The following PDS5B variants were observed in gnomAD, a reference collection of about 807,000 sequenced individuals.
PDS5B encodes sister chromatid cohesion protein PDS5 homolog B.
PDS5B carries 51 observed loss-of-function variants against 184.1 expected under a neutral mutation model. The ratio of observed to expected loss-of-function variants is 0.28; its 90% CI spans 0.22 to 0.35. PDS5B has a LOEUF of 0.35. PDS5B is among the 10% of genes least tolerant of loss of function. PDS5B has a pLI of 1.00. For synonymous variants in PDS5B, 566 were observed against 569.2 expected (o/e 0.99, Z 0.08); for missense variants, 1,180 against 1,723.3 (o/e 0.68, Z 5.58).
intron 20 of PDS5B, among the ~76,000 whole-genome samples, chr13:32,734,042 T>C (rs1279213577): frequency 7.0e-6 from 1 of 142,298 alleles, no homozygotes; most frequent in African/African-American, 3.0e-5. Flanking sequence ...CTTTTTTTTT[T>C]TCTGAGATAG....
At chr13:32,647,418 G>A (rs767118079) in intron 1 of PDS5B, among the ~76,000 whole-genome samples, 4 of 152,058 alleles carry the variant, frequency 2.6e-5, no homozygotes, top group Non-Finnish European at 4.4e-5. Context: ...CTACAGGGGT[G>A]TGCCACCACA....
At chr13:32,667,214 T>C (rs949901449) in intron 6 of PDS5B, among the ~76,000 whole-genome samples, 16 of 152,190 alleles carry the variant, frequency 1.1e-4, no homozygotes, top group Non-Finnish European at 2.4e-4. Context: ...CTTCTTATGA[T>C]GTTTTTTCTT....
chr13:32,739,342 A>G (rs1487064618), intron 21 of PDS5B, among the ~76,000 whole-genome samples: 1 of 152,172 alleles, frequency 6.6e-6, no homozygotes, highest in Non-Finnish European at 1.5e-5. Flanking sequence ...GCCCATCCAC[A>G]AGATGTCTTT....
At chr13:32,736,164 C>T (rs971933145) in intron 21 of PDS5B, among the ~76,000 whole-genome samples, 1 of 152,014 alleles carries the variant, frequency 6.6e-6, no homozygotes, top group African/African-American at 2.4e-5. Context: ...CTCTTGTTCA[C>T]CCAGTTCTAT....
At chr13:32,651,275 T>C (rs1337025196) in intron 2 of PDS5B, among the ~76,000 whole-genome samples, 2 of 152,242 alleles carry the variant, frequency 1.3e-5, no homozygotes, top group Non-Finnish European at 2.9e-5. Context: ...AGATACTTCA[T>C]AGTAGCTTTT....
At chr13:32,717,171 C>T (rs1291233467) in intron 19 of PDS5B, among the ~76,000 whole-genome samples, 1 of 152,338 alleles carries the variant, frequency 6.6e-6, no homozygotes, top group Non-Finnish European at 1.5e-5. Context: ...TGCCAGGCCA[C>T]CACCCCATCT....
chr13:32,607,373 G>C (rs2058076013), intron 1 of PDS5B, among the ~76,000 whole-genome samples: 1 of 152,238 alleles, frequency 6.6e-6, no homozygotes, highest in Non-Finnish European at 1.5e-5. Context: ...CTGCAGAACA[G>C]CAAATATTGC....
intron 1 of PDS5B, among the ~76,000 whole-genome samples, chr13:32,610,289 A>G (rs552352831): frequency 6.6e-6 from 1 of 152,238 alleles, no homozygotes; most frequent in Non-Finnish European, 1.5e-5. Context: ...AAAGTGCATA[A>G]TAAGTTAAGG....
At position 32,755,909 on chromosome 13, in the gene PDS5B, A is replaced by C; in HGVS notation, c.3009A>C (p.Pro1003=). Residue 1003 remains proline (P), a synonymous_variant, in exon 26 of 35, where the codon CCA becomes CCC. Transcript: ENST00000315596. ...CAATTCACCTTTTGGCACATGACCC[A>C]GATTATGTCAAAGTACAGGATATTG... is the stretch of plus-strand genomic sequence containing the variant. ...PYTIHLLAHD[P]DYVKVQDIEQ... 6.3e-7 allele frequency: 1 copy of C among 1,587,252 alleles called. No homozygotes were observed. The highest frequency in any genetic ancestry group is 1.3e-5 in the African/African-American group (1 of 74,292).
intron 7 of PDS5B, 68 bp downstream of exon 7, chr13:32,667,912 A>C: frequency 1.2e-6 from 1 of 813,974 alleles, no homozygotes; most frequent in Non-Finnish European, 1.9e-6. Context: ...CTAGAAGCAA[A>C]ATTTCATCAG....
chr13:32,650,961 A>T (rs1950353701), intron 2 of PDS5B, among the ~76,000 whole-genome samples: 1 of 152,158 alleles, frequency 6.6e-6, no homozygotes, highest in Admixed American at 6.5e-5. Context: ...TCACCTTTCC[A>T]TTGGAGTTGT....
chr13:32,742,855 T>A, intron 23 of PDS5B, 128 bp downstream of exon 23: 1 of 817,650 alleles, frequency 1.2e-6, no homozygotes, highest in Non-Finnish European at 1.9e-6. Flanking sequence ...GTGCATATAT[T>A]TTTACTGGAA....
At chr13:32,747,783 A>G (rs1283377516) in intron 24 of PDS5B, among the ~76,000 whole-genome samples, 1 of 152,218 alleles carries the variant, frequency 6.6e-6, no homozygotes, top group African/African-American at 2.4e-5. Context: ...GGTTCTTGGT[A>G]TGGCATTTCT....
chr13:32,591,572 C>T (rs957402303), intron 1 of PDS5B, among the ~76,000 whole-genome samples: 1 of 152,018 alleles, frequency 6.6e-6, no homozygotes, highest in African/African-American at 2.4e-5. Context: ...AGTAGTACTA[C>T]GTTGTAATAG....
chr13:32,629,459 T>A (rs776521378), intron 1 of PDS5B, among the ~76,000 whole-genome samples: 1 of 152,184 alleles, frequency 6.6e-6, no homozygotes, highest in African/African-American at 2.4e-5. Context: ...AATTGTACTT[T>A]GGCTTGCATT....
At position 32,606,561 on chromosome 13, in the gene PDS5B, C is replaced by T. The variant is rs186345845; in HGVS notation, c.-20+19968C>T. On this transcript the variant is annotated intron_variant, in intron 1 of 34. Transcript: ENST00000315596. Reference sequence around the variant, plus strand: ...TTGTGTGTGTTGGAGTTGCCCTTCTCGAGGAGTATCTTTGTGGTGTTCTCT... The same window carrying T: ...TTGTGTGTGTTGGAGTTGCCCTTCTTGAGGAGTATCTTTGTGGTGTTCTCT... Among the ~76,000 whole-genome samples, 378 of 152,224 alleles carry T rather than the reference C, an allele frequency of 2.5e-3. 2 individuals carry two copies. The highest frequency in any genetic ancestry group is 8.0e-3 in the African/African-American group (332 of 41,524).
intron 1 of PDS5B, among the ~76,000 whole-genome samples, chr13:32,616,717 C>T (rs1356026473): frequency 6.6e-6 from 1 of 151,924 alleles, no homozygotes; most frequent in African/African-American, 2.4e-5. Flanking sequence ...GACAATATAG[C>T]CTTTTAAAAA....
At chr13:32,704,243 A>G (rs1420045487) in intron 17 of PDS5B, among the ~76,000 whole-genome samples, 1 of 151,646 alleles carries the variant, frequency 6.6e-6, no homozygotes, top group Admixed American at 6.6e-5. Flanking sequence ...ATCTCAGCTC[A>G]CTGCAGCCTC....
At chr13:32,756,144 T>A (rs1040737524) in intron 26 of PDS5B, among the ~76,000 whole-genome samples, 188 bp downstream of exon 26, 1 of 152,148 alleles carries the variant, frequency 6.6e-6, no homozygotes, top group African/African-American at 2.4e-5. Context: ...TTAATGTAGT[T>A]TCCCAAAACT....
Sources: gnomAD v4.1 joint callset for allele counts (sites outside exome capture counted in the v4.1 genomes callset) on GRCh38, gnomAD v4.1.1 for gene constraint, MANE v1.5 for transcripts, NCBI Gene and HGNC (gene_info 2026-07-23, HGNC 2026-07-21) for gene names.